Variants in SLC16A10 observed in about 807,000 individuals in gnomAD.
SLC16A10 encodes the protein solute carrier family 16 member 10, also known as monocarboxylate transporter 10.
A neutral mutation model predicts 40.0 loss-of-function variants in SLC16A10; 27 were observed. That is an observed-to-expected ratio of 0.67 (90% CI 0.50 to 0.93). The LOEUF (loss-of-function observed/expected upper bound fraction) is 0.93, where lower values mean the gene tolerates loss of function less well. Ranked by LOEUF, SLC16A10 falls within the 40% of genes least tolerant of loss-of-function variation. The pLI, the probability that SLC16A10 is intolerant of heterozygous loss-of-function variation, is 0.00. For missense variants in SLC16A10, 529 were observed against 658.2 expected (o/e 0.80, Z 2.15); for synonymous variants, 213 against 249.8 (o/e 0.85, Z 1.39).
At position 111,230,331 on chromosome 6, in the gene SLC16A10, A is replaced by G. The variant is rs1385633486; in HGVS notation, c.*8096A>G. On this transcript the variant is annotated 3_prime_UTR_variant, in exon 6 of 6. Transcript: ENST00000368851. ...TTTTAAAAGACCCTGACTTAACTGTATTTTATGAGGATTTTATAAATGTAA... is the reference window on the plus strand; with the variant it reads ...TTTTAAAAGACCCTGACTTAACTGTGTTTTATGAGGATTTTATAAATGTAA... 4 of 152,112 alleles carry G rather than the reference A, an allele frequency of 2.6e-5. No homozygotes were observed. The highest frequency in any genetic ancestry group is 9.7e-5 in the African/African-American group (4 of 41,432). 9.4% of individuals were successfully genotyped at this position (152,112 alleles called of 1,614,324 possible). A position where few individuals can be genotyped will look rare whatever the true frequency, so the allele number is the denominator to read the frequency against.
At chr6:111,105,386 G>A (rs931936711) in intron 1 of SLC16A10, among the ~76,000 whole-genome samples, 46 of 152,294 alleles carry the variant, frequency 3.0e-4, no homozygotes, top group African/African-American at 1.1e-3. Context: ...ATCTAGGAGA[G>A]CTACTATAAT....
intron 1 of SLC16A10, among the ~76,000 whole-genome samples, chr6:111,132,237 G>A (rs1005625690): frequency 1.3e-5 from 2 of 152,036 alleles, no homozygotes; most frequent in Non-Finnish European, 2.9e-5. Flanking sequence ...AGAGAGAGAC[G>A]AAGAGGGAGT....
chr6:111,104,905 A>G (rs979797102), intron 1 of SLC16A10, among the ~76,000 whole-genome samples: 11 of 152,112 alleles, frequency 7.2e-5, no homozygotes, highest in African/African-American at 1.4e-4. Flanking sequence ...CTTAAAAAAA[A>G]AAAAAAGTAA....
At chr6:111,155,880 C>A (rs1772261528) in intron 1 of SLC16A10, among the ~76,000 whole-genome samples, 1 of 152,180 alleles carries the variant, frequency 6.6e-6, no homozygotes, top group South Asian at 2.1e-4. Context: ...CACCTAGCAC[C>A]ATTTATCTTG....
At chr6:111,186,382 TA>T (rs756045951) in intron 3 of SLC16A10, among the ~76,000 whole-genome samples, 1 of 152,250 alleles carries the variant, frequency 6.6e-6, no homozygotes, top group Non-Finnish European at 1.5e-5. Context: ...GCCAATTAGA[TA>T]AGGGTCCTTT....
chr6:111,209,798 GA>G (rs750764656), intron 4 of SLC16A10, among the ~76,000 whole-genome samples: 22 of 152,180 alleles, frequency 1.4e-4, no homozygotes, highest in Non-Finnish European at 2.4e-4. Context: ...GGTTTTCATT[GA>G]ATTTAGAATA....
chr6:111,150,209 C>T (rs1156813219), intron 1 of SLC16A10, among the ~76,000 whole-genome samples: 1 of 152,206 alleles, frequency 6.6e-6, no homozygotes, highest in African/African-American at 2.4e-5. Flanking sequence ...GTGTTTGACC[C>T]CCTTTCCTTG....
chr6:111,100,999 TATATATATATATATATATAA>T (rs1771175063), intron 1 of SLC16A10, among the ~76,000 whole-genome samples: 4 of 106,084 alleles, frequency 3.8e-5, no homozygotes, highest in South Asian at 2.6e-4. Flanking sequence ...TCTCTATATA[TATATATATATATATATATAA>T]ATATATGTAT....
At chr6:111,089,405 T>G (rs1399986288) in intron 1 of SLC16A10, among the ~76,000 whole-genome samples, 1 of 152,230 alleles carries the variant, frequency 6.6e-6, no homozygotes, top group Non-Finnish European at 1.5e-5. Context: ...TATATTATAC[T>G]CTATGCATTC....
At position 111,223,603 on chromosome 6, in the gene SLC16A10, A is replaced by G. The variant is rs1385705575; in HGVS notation, c.*1368A>G. 6.6e-6 allele frequency: 1 copy of G among 152,154 alleles called. No homozygotes were observed. The allele number at this position is 152,154 out of a possible 1,614,324, so 9.4% of individuals were successfully genotyped here. A position where few individuals can be genotyped will look rare whatever the true frequency, so the allele number is the denominator to read the frequency against. On this transcript the variant is annotated 3_prime_UTR_variant, in exon 6 of 6. Coordinates refer to ENST00000368851, the MANE Select transcript of SLC16A10 (RefSeq NM_018593.5). ...TAGTGTCATATTTCATATTCAGGGG[A>G]CTTAGATAATTTGCCTGTGGATGGT...
intron 1 of SLC16A10, among the ~76,000 whole-genome samples, chr6:111,167,533 C>T (rs1249875186): frequency 6.6e-6 from 1 of 151,978 alleles, no homozygotes; most frequent in Admixed American, 6.6e-5. Context: ...TGTTAACTTT[C>T]GAGGAGAGAT....
intron 3 of SLC16A10, among the ~76,000 whole-genome samples, chr6:111,197,659 A>G (rs1337040496): frequency 6.6e-6 from 1 of 152,118 alleles, no homozygotes; most frequent in Non-Finnish European, 1.5e-5. Flanking sequence ...TTGGCTCACG[A>G]TTCTGCAGGC....
chr6:111,111,065 C>T (rs1426063364), intron 1 of SLC16A10, among the ~76,000 whole-genome samples: 2 of 152,044 alleles, frequency 1.3e-5, no homozygotes, highest in East Asian at 3.9e-4. Flanking sequence ...CAGTTCTGTA[C>T]AGCCATTTGT....
intron 1 of SLC16A10, among the ~76,000 whole-genome samples, chr6:111,106,914 A>C (rs1771294793): frequency 6.6e-6 from 1 of 152,214 alleles, no homozygotes; most frequent in Non-Finnish European, 1.5e-5. Context: ...CTGCCTTCAT[A>C]GTTAAATGTT....
At chr6:111,192,803 A>C (rs1381198798) in intron 3 of SLC16A10, among the ~76,000 whole-genome samples, 1 of 152,096 alleles carries the variant, frequency 6.6e-6, no homozygotes, top group South Asian at 2.1e-4. Context: ...AAACCATCAG[A>C]TCTCATGAGA....
chr6:111,110,197 T>G (rs1332070322), intron 1 of SLC16A10, among the ~76,000 whole-genome samples: 3 of 152,218 alleles, frequency 2.0e-5, no homozygotes, highest in Admixed American at 2.0e-4. Flanking sequence ...TTCATCGGCC[T>G]GGATATATGG....
chr6:111,095,870 T>A (rs1422060459), intron 1 of SLC16A10, among the ~76,000 whole-genome samples: 1 of 152,224 alleles, frequency 6.6e-6, no homozygotes, highest in Non-Finnish European at 1.5e-5. Flanking sequence ...CCTCTTTTTC[T>A]TTATAAATTA....
intron 1 of SLC16A10, among the ~76,000 whole-genome samples, chr6:111,100,959 CCTCTCTCT>C (rs71021825): frequency 2.3e-3 from 191 of 81,462 alleles, no homozygotes; most frequent in Middle Eastern, 0.016. Flanking sequence ...TCTTTCTCTC[CCTCTCTCT>C]CTCTCTCTCT....
rs978673291 is a variant in SLC16A10 at position 111,225,808 on chromosome 6, C to A, written c.*3573C>A. The stretch of plus-strand genomic sequence containing the variant: ...GTTCCTGCTGGTGCACTTTCATGCC[C>A]TTTCTTATGTACCTTTTGTCTTACT... On this transcript the variant is annotated 3_prime_UTR_variant, in exon 6 of 6. Coordinates refer to ENST00000368851, the MANE Select transcript of SLC16A10 (RefSeq NM_018593.5). The A allele has an allele frequency of 2.0e-5, 3 of 152,036 alleles. No individual in the cohort carries two copies. The highest frequency in any genetic ancestry group is 7.2e-5 in the African/African-American group (3 of 41,384). The allele number at this position is 152,036 out of a possible 1,614,324, so 9.4% of individuals were successfully genotyped here. A position where few individuals can be genotyped will look rare whatever the true frequency, so the allele number is the denominator to read the frequency against.
Sources: allele counts gnomAD v4.1 joint callset (sites outside exome capture counted in the v4.1 genomes callset), GRCh38; gene constraint gnomAD v4.1.1; transcripts MANE v1.5; gene names NCBI Gene and HGNC (gene_info 2026-07-23, HGNC 2026-07-21).